ATG2B: variants seen among roughly 807,000 people sequenced by gnomAD.
ATG2B encodes the protein autophagy-related protein 2 homolog B.
ATG2B carries 121 observed loss-of-function variants against 241.3 expected under a neutral mutation model. The ratio of observed to expected loss-of-function variants is 0.50; its 90% confidence interval spans 0.43 to 0.58. The LOEUF is 0.58. Among genes scored for constraint, ATG2B ranks in the 20% least tolerant of loss-of-function variants. The pLI is 0.00. For synonymous variants in ATG2B, 858 were observed against 876.6 expected, an observed-to-expected ratio of 0.98 and a Z score of 0.37; for missense variants, 2,306 against 2,491.6, an observed-to-expected ratio of 0.93 and a Z score of 1.59.
At position 96,313,054 on chromosome 14, in the gene ATG2B, T is replaced by C. The variant is rs775581032; in HGVS notation, c.3842+11A>G. ...GCTTTGTTTAGTATACAATGAAGTTTACACAGGTACCTGAGAGTAGAGGAA... is the reference window on the plus strand; with the variant it reads ...GCTTTGTTTAGTATACAATGAAGTTCACACAGGTACCTGAGAGTAGAGGAA... On this transcript the variant is annotated intron_variant, in intron 25 of 41. Coordinates refer to ENST00000359933, the MANE Select transcript of ATG2B (RefSeq NM_018036.7). 1.3e-6 allele frequency: 2 copies of C among 1,558,352 alleles called. No homozygotes were observed. The highest frequency in any genetic ancestry group is 2.2e-5 in the South Asian group (2 of 89,608).
Position 96,315,395 on chromosome 14 carries a change from ACT to A in ATG2B, c.3548_3549del (p.Glu1183ValfsTer20). ...TACAAAACACAAACCTTTGTATTGGACTCTGATTTATCAGACAATATTTTAAC... is the reference window on the plus strand; with the variant it reads ...TACAAAACACAAACCTTTGTATTGGACTGATTTATCAGACAATATTTTAAC... ...VAVKILSDKS[E>X]SNTKEFLIAV... On this transcript the variant is annotated frameshift_variant, in exon 22 of 42. Coordinates refer to ENST00000359933, the MANE Select transcript of ATG2B (RefSeq NM_018036.7). LOFTEE classifies it high-confidence loss of function. 6.2e-7 allele frequency: 1 copy of A among 1,613,982 alleles called. No individual in the cohort carries two copies. The highest frequency in any genetic ancestry group is 8.5e-7 in the Non-Finnish European group (1 of 1,179,830).
At chr14:96,316,241 G>A (rs1369628057) in intron 21 of ATG2B, among the ~76,000 whole-genome samples, 2 of 152,172 alleles carry the variant, frequency 1.3e-5, no homozygotes, top group African/African-American at 4.8e-5. Flanking sequence ...TAATAAACAT[G>A]TTTTAAAATT....
intron 1 of ATG2B, among the ~76,000 whole-genome samples, chr14:96,361,267 G>T (rs937458185): frequency 6.6e-6 from 1 of 152,130 alleles, no homozygotes; most frequent in African/African-American, 2.4e-5. Context: ...AAAGTGCCTA[G>T]TACAATGCCT....
At chr14:96,327,472 G>A (rs924098541) in intron 14 of ATG2B, among the ~76,000 whole-genome samples, 2 of 152,072 alleles carry the variant, frequency 1.3e-5, no homozygotes, top group Admixed American at 1.3e-4. Context: ...AAGTAAAAGT[G>A]ATATAATGTG....
At position 96,290,207 on chromosome 14, in the gene ATG2B, A is replaced by C; in HGVS notation, c.5856+229T>G. The C allele has an allele frequency of 7.6e-7, 1 of 1,311,318 alleles. No individual in the cohort carries two copies. The highest frequency in any genetic ancestry group is 9.7e-7 in the Non-Finnish European group (1 of 1,025,926). 81.2% of individuals were successfully genotyped at this position (1,311,318 alleles called of 1,614,324 possible). ...AATCCTCTGCTAACTTAATGTTTAC[A>C]ATTTACCTGAAATAGGCAAACAAAT... is the stretch of plus-strand genomic sequence containing the variant. On this transcript the variant is annotated intron_variant, in intron 40 of 41. Coordinates refer to ENST00000359933, the MANE Select transcript of ATG2B (RefSeq NM_018036.7). This position sits in a 1 kb window ranked among gnomAD's most constrained non-coding sequence, Gnocchi z 4.4.
At chr14:96,295,598 AG>A (rs1886616544) in intron 34 of ATG2B, 38 bp from the exon 35 acceptor site, 1 of 1,350,192 alleles carries the variant, frequency 7.4e-7, no homozygotes, top group South Asian at 1.3e-5. Context: ...AAGGAAGAAA[AG>A]AATCACCTAT....
intron 1 of ATG2B, among the ~76,000 whole-genome samples, chr14:96,353,021 A>G (rs1888372591): frequency 6.6e-6 from 1 of 152,178 alleles, no homozygotes; most frequent in Admixed American, 6.5e-5. Flanking sequence ...TTTATTTTTT[A>G]TATTTTATGC....
intron 36 of ATG2B, among the ~76,000 whole-genome samples, chr14:96,293,580 A>T (rs1026832653): frequency 3.9e-5 from 6 of 152,180 alleles, no homozygotes; most frequent in African/African-American, 1.2e-4. Context: ...TGGATTAGAG[A>T]TAAGAAAATC....
chr14:96,362,226 A>T (rs921552577), intron 1 of ATG2B, among the ~76,000 whole-genome samples: 1 of 152,156 alleles, frequency 6.6e-6, no homozygotes, highest in African/African-American at 2.4e-5. Flanking sequence ...GGGCCAGACG[A>T]CCATTCACAG....
intron 23 of ATG2B, 129 bp from the exon 24 acceptor site, chr14:96,313,564 A>G (rs890396031): frequency 1.3e-5 from 7 of 522,086 alleles, no homozygotes; most frequent in African/African-American, 1.2e-4. Flanking sequence ...CATAACGGTA[A>G]AAGGAAAAAA....
At chr14:96,348,127 T>A (rs890190570) in intron 1 of ATG2B, among the ~76,000 whole-genome samples, 5 of 152,212 alleles carry the variant, frequency 3.3e-5, no homozygotes, top group Admixed American at 3.3e-4. Context: ...ATGTGGTACA[T>A]ATACACAATG....
chr14:96,309,499 C>G lies in ATG2B; in HGVS notation c.4257G>C (p.Glu1419Asp), dbSNP rs1887091865. The G allele has an allele frequency of 6.2e-7, 1 of 1,613,992 alleles. No homozygotes were observed. The highest frequency in any genetic ancestry group is 1.7e-5 in the Admixed American group (1 of 60,004). The change falls in exon 29 of 42, where the codon GAG becomes GAC. Residue 1419 changes from glutamate (E) to aspartate (D), a missense_variant. Physicochemically the swap from Glu to Asp is conservative, Grantham distance 45. Transcript: ENST00000359933. ...LRDLMSDAME[E>D]IDMQQGTSSV... ...ACGAGGTGCCTTGTTGCATGTCGAT[C>G]TCCTCCATAGCATCACTCATCAGAT...
rs768098530 is a variant in ATG2B, at chr14:96,304,612, G to T, written c.4734-9C>A. ...GCGAACTGTGGGGACTACTAAAAATGAGCAAAAAAAAAAAAAACCCTTTTG... is the reference window on the plus strand; with the variant it reads ...GCGAACTGTGGGGACTACTAAAAATTAGCAAAAAAAAAAAAAACCCTTTTG... On this transcript the variant is annotated splice_polypyrimidine_tract_variant and intron_variant, in intron 31 of 41. Transcript: ENST00000359933. The T allele has an allele frequency of 8.9e-6, 11 of 1,235,560 alleles. No individual in the cohort carries two copies. Among genetic ancestry groups the T allele is most frequent in the South Asian group, 1.7e-5 (1 of 59,636 alleles). The allele number at this position is 1,235,560 out of a possible 1,614,324, so 76.5% of individuals were successfully genotyped here.
intron 26 of ATG2B, 24 bp from the exon 27 acceptor site, chr14:96,311,642 A>C: frequency 6.6e-7 from 1 of 1,505,580 alleles, no homozygotes; most frequent in East Asian, 2.3e-5. Context: ...AATTAAGAAA[A>C]TCTCTTCAGT....
At chr14:96,316,732 A>G in intron 20 of ATG2B, 49 bp from the exon 21 acceptor site, 1 of 1,527,304 alleles carries the variant, frequency 6.5e-7, no homozygotes, top group Non-Finnish European at 8.9e-7. Context: ...AAATGCAGAA[A>G]AGTAAGCATG....
intron 15 of ATG2B, chr14:96,324,295 CT>C (rs1887534439): frequency 7.6e-6 from 2 of 263,822 alleles, no homozygotes; most frequent in Admixed American, 5.3e-5. Context: ...GTGATTATTT[CT>C]TCATAAAGTC....
intron 6 of ATG2B, among the ~76,000 whole-genome samples, chr14:96,335,493 T>C (rs573523390): frequency 1.3e-5 from 2 of 152,306 alleles, no homozygotes; most frequent in South Asian, 4.1e-4. Flanking sequence ...TGCTTTTATA[T>C]ATATTTCCTC....
At position 96,313,444 on chromosome 14, in the gene ATG2B, AC is replaced by A; in HGVS notation, c.3643-10del. On this transcript the variant is annotated splice_polypyrimidine_tract_variant and intron_variant, in intron 23 of 41. Coordinates refer to ENST00000359933, the MANE Select transcript of ATG2B (RefSeq NM_018036.7). ...TTCAAGAAGTATAAAATCTATAATC[AC>A]AAAAAATTAAAACGCCCTGCTTTAG... The A allele has an allele frequency of 6.7e-7, 1 of 1,483,420 alleles. No individual in the cohort carries two copies. The highest frequency in any genetic ancestry group is 9.1e-7 in the Non-Finnish European group (1 of 1,096,996). 91.9% of individuals were successfully genotyped at this position (1,483,420 alleles called of 1,614,324 possible).
chr14:96,313,143 G>T lies in ATG2B; in HGVS notation c.3764C>A (p.Pro1255Gln). Residue 1255 changes from proline to glutamine, a missense_variant, in exon 25 of 42, where the codon CCA becomes CAA. By Grantham distance (76) the Pro-to-Gln change is moderately conservative. Coordinates refer to ENST00000359933, the MANE Select transcript of ATG2B (RefSeq NM_018036.7). ...TTCCACGGTAAGAAGAGATCGGATT[G>T]GCAAATAAAGGGGTCTAATGCCAAA... Reference protein sequence around the residue: ...CALDYRPLYLPIRSLLTVETF... With the variant: ...CALDYRPLYLQIRSLLTVETF... 1 of 1,612,696 alleles carries T rather than the reference G, an allele frequency of 6.2e-7. No homozygotes were observed. Among genetic ancestry groups the T allele is most frequent in the South Asian group, 1.1e-5 (1 of 91,006 alleles).
Sources: allele counts gnomAD v4.1 joint callset (sites outside exome capture counted in the v4.1 genomes callset), GRCh38; gene constraint gnomAD v4.1.1; non-coding constraint Gnocchi (gnomAD v3.1); transcripts MANE v1.5; gene names NCBI Gene and HGNC (gene_info 2026-07-23, HGNC 2026-07-21).